ANP32A: variants seen among roughly 807,000 people sequenced by gnomAD.
ANP32A encodes the protein acidic leucine-rich nuclear phosphoprotein 32 family member A.
Under a neutral mutation model 33.9 loss-of-function variants are expected in ANP32A, and 1 was observed. The ratio of observed to expected loss-of-function variants is 0.03; its 90% CI spans 0.01 to 0.14. The LOEUF (loss-of-function observed/expected upper bound fraction) is 0.14, where lower values mean the gene tolerates loss of function less well. Among genes scored for constraint, ANP32A ranks in the 10% least tolerant of loss-of-function variants. ANP32A has a pLI of 1.00. For missense variants in ANP32A, 155 were observed against 306.0 expected (o/e 0.51, Z 3.68); for synonymous variants, 115 against 120.5 (o/e 0.95, Z 0.30).
rs986611359 is a variant in ANP32A at position 68,780,012 on chromosome 15, G to T, written c.*69C>A. ...GTTTCAGGGGGCAGGATTGGAGGGG[G>T]GGGGGAGAGGGGATATGGGTAAAAA... On this transcript the variant is annotated 3_prime_UTR_variant, in exon 7 of 7. Coordinates refer to ENST00000465139, the MANE Select transcript of ANP32A (RefSeq NM_006305.4). This position sits in a 1 kb window ranked among gnomAD's most constrained non-coding sequence, Gnocchi z 4.3. 1.2e-5 allele frequency: 17 copies of T among 1,420,078 alleles called. No homozygotes were observed. Among genetic ancestry groups the T allele is most frequent in the Admixed American group, 7.4e-5 (4 of 53,922 alleles). The allele number at this position is 1,420,078 out of a possible 1,614,324, so 88.0% of individuals were successfully genotyped here. A position where few individuals can be genotyped will look rare whatever the true frequency, so the allele number is the denominator to read the frequency against.
chr15:68,802,731 C>T (rs910329406), intron 1 of ANP32A, among the ~76,000 whole-genome samples: 1 of 152,220 alleles, frequency 6.6e-6, no homozygotes, highest in Non-Finnish European at 1.5e-5. Context: ...CGGCTCAGCG[C>T]AACTTCCACC....
chr15:68,793,172 A>AG (rs1894019188), intron 1 of ANP32A, among the ~76,000 whole-genome samples: 1 of 152,192 alleles, frequency 6.6e-6, no homozygotes, highest in African/African-American at 2.4e-5. Flanking sequence ...TCAGCCTACC[A>AG]GGGAGCGGAG....
chr15:68,785,635 C>G (rs1167985958), intron 3 of ANP32A, among the ~76,000 whole-genome samples: 1 of 152,134 alleles, frequency 6.6e-6, no homozygotes, highest in Admixed American at 6.5e-5. Flanking sequence ...AAGCCCAGCA[C>G]CTGCTACCAA....
intron 4 of ANP32A, 28 bp from the exon 5 acceptor site, chr15:68,783,081 C>T (rs1489280930): frequency 6.4e-7 from 1 of 1,551,476 alleles, no homozygotes. Flanking sequence ...GGAACGGAAA[C>T]AGAACTAGTG....
rs886528679 is a variant in ANP32A, at chr15:68,818,774, C to G, written c.54+1924G>C. ...CGGCCCCGCGCTTGGCGCCCTTCCC[C>G]CTCCGCGCAGGGGGCTTCCGGAAAG... On this transcript the variant is annotated intron_variant, in intron 1 of 6. Coordinates refer to ENST00000465139, the MANE Select transcript of ANP32A (RefSeq NM_006305.4). 3.3e-5 allele frequency among the ~76,000 whole-genome samples: 5 copies of G among 151,776 alleles called. No homozygotes were observed. The East Asian group carries it at 9.8e-4, about 30-fold the overall frequency.
chr15:68,782,794 A>T (rs1296333511), intron 5 of ANP32A, 162 bp downstream of exon 5: 15 of 1,311,066 alleles, frequency 1.1e-5, no homozygotes, highest in Non-Finnish European at 1.5e-5. Context: ...GTCTCCCCAG[A>T]AACAGCCCAG....
At chr15:68,808,516 T>C (rs1360659424) in intron 1 of ANP32A, among the ~76,000 whole-genome samples, 1 of 152,180 alleles carries the variant, frequency 6.6e-6, no homozygotes, top group African/African-American at 2.4e-5. Context: ...AATACTTACA[T>C]AGCATTTATA....
At chr15:68,816,670 T>C (rs1440089665) in intron 1 of ANP32A, among the ~76,000 whole-genome samples, 1 of 152,180 alleles carries the variant, frequency 6.6e-6, no homozygotes, top group Non-Finnish European at 1.5e-5. Flanking sequence ...TATTCCGTTT[T>C]ACAGGTGAAG....
chr15:68,815,138 A>C lies in ANP32A; in HGVS notation c.54+5560T>G, dbSNP rs921344188. The stretch of plus-strand genomic sequence containing the variant: ...ACCAATTACTTACAGGGCACAGAAC[A>C]CATAAAAGGACTTAAAAAGACCCTG... On this transcript the variant is annotated intron_variant, in intron 1 of 6. Transcript: ENST00000465139. Among the ~76,000 whole-genome samples, 4 of 152,220 alleles carry C rather than the reference A, an allele frequency of 2.6e-5. No individual in the cohort carries two copies. The East Asian group carries it at 7.7e-4, about 29-fold the overall frequency.
chr15:68,805,721 A>T (rs1894210356), intron 1 of ANP32A, among the ~76,000 whole-genome samples: 1 of 152,200 alleles, frequency 6.6e-6, no homozygotes, highest in Non-Finnish European at 1.5e-5. Flanking sequence ...TGGGGTCAGA[A>T]GTCCAGTGTA....
At chr15:68,810,416 G>A (rs1894296390) in intron 1 of ANP32A, among the ~76,000 whole-genome samples, 1 of 152,054 alleles carries the variant, frequency 6.6e-6, no homozygotes, top group Non-Finnish European at 1.5e-5. Context: ...GATCATGAGT[G>A]TGTGTGTGTG....
At chr15:68,793,908 C>A (rs1014107390) in intron 1 of ANP32A, among the ~76,000 whole-genome samples, 3 of 152,230 alleles carry the variant, frequency 2.0e-5, no homozygotes, top group Admixed American at 6.5e-5. Context: ...CTTTGAAGGA[C>A]AGGACCAGAG....
chr15:68,807,426 ACGG>A (rs1894247406), intron 1 of ANP32A, among the ~76,000 whole-genome samples: 1 of 32,936 alleles, frequency 3.0e-5, no homozygotes, highest in African/African-American at 4.5e-5. Context: ...TCCACAGAAA[ACGG>A]GGGGGGGGGA....
chr15:68,803,670 C>T (rs559448803), intron 1 of ANP32A, among the ~76,000 whole-genome samples: 3 of 152,070 alleles, frequency 2.0e-5, no homozygotes, highest in South Asian at 2.1e-4. Flanking sequence ...AAGGCACAGG[C>T]AGGCACATGG....
intron 1 of ANP32A, among the ~76,000 whole-genome samples, chr15:68,806,816 G>A (rs2140370735): frequency 6.6e-6 from 1 of 152,382 alleles, no homozygotes; most frequent in Admixed American, 6.5e-5. Flanking sequence ...CTGGGTGGCT[G>A]TGAAGGCCAG....
Position 68,780,007 on chromosome 15 carries a change from A to AGGG in ANP32A, c.*71_*73dup, listed in dbSNP as rs3214818. On this transcript the variant is annotated 3_prime_UTR_variant, in exon 7 of 7. Transcript: ENST00000465139. The surrounding 1 kb of genome is among the most constrained non-coding windows in gnomAD (Gnocchi z 4.3). ...AATAAGTTTCAGGGGGCAGGATTGG[A>AGGG]GGGGGGGGGGAGAGGGGATATGGGT... 85 of 1,061,076 alleles carry AGGG rather than the reference A, an allele frequency of 8.0e-5. No homozygotes were observed. The highest frequency in any genetic ancestry group is 5.9e-4 in the Admixed American group (24 of 40,400). 65.7% of individuals were successfully genotyped at this position (1,061,076 alleles called of 1,614,324 possible). A position where few individuals can be genotyped will look rare whatever the true frequency, so the allele number is the denominator to read the frequency against.
At chr15:68,809,309 T>C (rs1440312024) in intron 1 of ANP32A, among the ~76,000 whole-genome samples, 1 of 152,114 alleles carries the variant, frequency 6.6e-6, no homozygotes, top group Non-Finnish European at 1.5e-5. Context: ...TAACAAGCAG[T>C]GTCTAGGAAG....
intron 1 of ANP32A, among the ~76,000 whole-genome samples, chr15:68,802,642 A>T (rs1035793271): frequency 1.3e-5 from 2 of 150,508 alleles, no homozygotes; most frequent in African/African-American, 4.8e-5. Context: ...ATACAGCCTC[A>T]GAGTCCTATT....
chr15:68,799,399 C>T (rs1013121891), intron 1 of ANP32A, among the ~76,000 whole-genome samples: 3 of 152,098 alleles, frequency 2.0e-5, no homozygotes, highest in African/African-American at 7.2e-5. Context: ...AGAACCTTAC[C>T]TACACTTGTT....
Sources: allele counts gnomAD v4.1 joint callset (sites outside exome capture counted in the v4.1 genomes callset), GRCh38; gene constraint gnomAD v4.1.1; non-coding constraint Gnocchi (gnomAD v3.1); transcripts MANE v1.5; gene names NCBI Gene and HGNC (gene_info 2026-07-23, HGNC 2026-07-21).